Variants in BRINP1 observed in about 807,000 individuals in gnomAD.
BRINP1 encodes the protein BMP/retinoic acid inducible neural specific 1.
A neutral mutation model predicts 72.9 loss-of-function variants in BRINP1; 17 were observed. The observed-to-expected ratio is 0.23, with a 90% CI of 0.16 to 0.35. The LOEUF is 0.35. BRINP1 is among the 10% of genes least tolerant of loss of function. The pLI is 1.00. For missense variants in BRINP1, 850 were observed against 1,001.6 expected, an observed-to-expected ratio of 0.85 and a Z score of 2.04; for synonymous variants, 418 against 378.5, an observed-to-expected ratio of 1.10 and a Z score of -1.21.
chr9:119,263,710 C>T (rs1285784661), intron 2 of BRINP1, among the ~76,000 whole-genome samples: 1 of 143,634 alleles, frequency 7.0e-6, no homozygotes, highest in East Asian at 2.2e-4. Flanking sequence ...TGGGTTCACG[C>T]CATTCTCCTG....
intron 2 of BRINP1, among the ~76,000 whole-genome samples, chr9:119,300,803 T>C (rs924579244): frequency 6.6e-6 from 1 of 152,250 alleles, no homozygotes; most frequent in Non-Finnish European, 1.5e-5. Context: ...TAAAAGACTA[T>C]TTTCAGTTCT....
At chr9:119,331,812 G>T (rs1484510665) in intron 1 of BRINP1, among the ~76,000 whole-genome samples, 2 of 152,160 alleles carry the variant, frequency 1.3e-5, no homozygotes, top group Non-Finnish European at 2.9e-5. Flanking sequence ...GACCACTTTG[G>T]TCAAAATCGC....
intron 1 of BRINP1, among the ~76,000 whole-genome samples, chr9:119,355,410 A>G (rs145274631): frequency 1.9e-3 from 295 of 152,258 alleles, no homozygotes; most frequent in Non-Finnish European, 3.4e-3. Context: ...GAAGGAAGGT[A>G]CTGTTGTTGT....
chr9:119,192,488 T>C (rs927167144), intron 7 of BRINP1, among the ~76,000 whole-genome samples: 2 of 151,996 alleles, frequency 1.3e-5, no homozygotes, highest in Admixed American at 6.6e-5. Context: ...AACAGGAATA[T>C]GAAAAGGTAC....
intron 2 of BRINP1, among the ~76,000 whole-genome samples, chr9:119,278,853 A>T (rs1309616129): frequency 2.0e-5 from 3 of 152,130 alleles, no homozygotes; most frequent in Non-Finnish European, 4.4e-5. Flanking sequence ...GCGCCACTGC[A>T]CTCCGACATG....
chr9:119,250,136 G>A (rs1356973983), intron 2 of BRINP1, among the ~76,000 whole-genome samples: 1 of 141,694 alleles, frequency 7.1e-6, no homozygotes, highest in African/African-American at 2.6e-5. Flanking sequence ...GAGGGAGGGA[G>A]GGAGGGAAGG....
intron 7 of BRINP1, among the ~76,000 whole-genome samples, chr9:119,176,185 A>ACAAT (rs1231340472): frequency 1.3e-5 from 2 of 152,128 alleles, no homozygotes; most frequent in Non-Finnish European, 2.9e-5. Context: ...AGTCAAACAA[A>ACAAT]CAATCAGAGT....
intron 7 of BRINP1, among the ~76,000 whole-genome samples, chr9:119,184,074 G>A (rs757881022): frequency 4.6e-5 from 7 of 151,992 alleles, no homozygotes; most frequent in African/African-American, 7.3e-5. Context: ...AGCTACTTCC[G>A]AGCCACAGGG....
chr9:119,242,845 G>A (rs769619785), intron 3 of BRINP1, among the ~76,000 whole-genome samples: 2 of 152,284 alleles, frequency 1.3e-5, no homozygotes, highest in South Asian at 4.1e-4. Flanking sequence ...TGCACACATA[G>A]ATCAGTAACA....
At chr9:119,182,241 T>C (rs1364057112) in intron 7 of BRINP1, among the ~76,000 whole-genome samples, 2 of 152,170 alleles carry the variant, frequency 1.3e-5, no homozygotes, top group African/African-American at 4.8e-5. Context: ...GGAGAAAATA[T>C]AGGGGAGCAT....
intron 5 of BRINP1, among the ~76,000 whole-genome samples, chr9:119,237,109 T>C (rs1398976796): frequency 6.6e-6 from 1 of 152,140 alleles, no homozygotes; most frequent in Non-Finnish European, 1.5e-5. Context: ...TACCTGCCAA[T>C]CTCAACCCAA....
intron 2 of BRINP1, among the ~76,000 whole-genome samples, chr9:119,272,093 A>T (rs1160948971): frequency 1.7e-4 from 1 of 5,828 alleles, no homozygotes; most frequent in Non-Finnish European, 3.7e-3. Flanking sequence ...TTTTGAGACA[A>T]AAAAAAAAAA....
chr9:119,339,465 G>C (rs79670197), intron 1 of BRINP1, among the ~76,000 whole-genome samples: 2,644 of 152,296 alleles, frequency 0.017, 98 homozygotes, highest in African/African-American at 0.061. Context: ...ACTTTTATCT[G>C]TTTGGGTCAA....
At chr9:119,341,450 G>A (rs1423388903) in intron 1 of BRINP1, among the ~76,000 whole-genome samples, 1 of 152,152 alleles carries the variant, frequency 6.6e-6, no homozygotes, top group East Asian at 1.9e-4. Flanking sequence ...TTGACTTTGA[G>A]AGTTTAGGAT....
At chr9:119,247,795 T>C (rs1395125476) in intron 3 of BRINP1, among the ~76,000 whole-genome samples, 1 of 152,182 alleles carries the variant, frequency 6.6e-6, no homozygotes, top group Admixed American at 6.5e-5. Flanking sequence ...GGGTCTCAGC[T>C]TCCTTATTTA....
intron 2 of BRINP1, among the ~76,000 whole-genome samples, chr9:119,279,726 A>C (rs1830689761): frequency 6.6e-6 from 1 of 152,214 alleles, no homozygotes; most frequent in South Asian, 2.1e-4. Flanking sequence ...ATGCAAGAAA[A>C]AGATGCCTAC....
intron 1 of BRINP1, among the ~76,000 whole-genome samples, chr9:119,332,919 T>C (rs1831313570): frequency 6.6e-6 from 1 of 152,176 alleles, no homozygotes; most frequent in East Asian, 1.9e-4. Context: ...AGCTAACAGA[T>C]ACACTAGGTA....
At chr9:119,201,879 TCCTC>T (rs1829808815) in intron 7 of BRINP1, among the ~76,000 whole-genome samples, 1 of 152,172 alleles carries the variant, frequency 6.6e-6, no homozygotes, top group African/African-American at 2.4e-5. Flanking sequence ...CTTCTTTTCT[TCCTC>T]CCTCCCTTCC....
intron 2 of BRINP1, among the ~76,000 whole-genome samples, chr9:119,255,954 C>CAAA (rs58972395): frequency 1.5e-4 from 8 of 53,498 alleles, no homozygotes; most frequent in Middle Eastern, 0.022. Flanking sequence ...GACTCCAGCT[C>CAAA]AAAAAAAAAA....
Sources: gnomAD v4.1 joint callset for allele counts (sites outside exome capture counted in the v4.1 genomes callset) on GRCh38, gnomAD v4.1.1 for gene constraint, MANE v1.5 for transcripts, NCBI Gene and HGNC (gene_info 2026-07-23, HGNC 2026-07-21) for gene names.